Variants in HIBADH observed in about 807,000 individuals in gnomAD.
HIBADH encodes 3-hydroxyisobutyrate dehydrogenase, also known as 3-hydroxyisobutyrate dehydrogenase, mitochondrial.
HIBADH carries 25 observed loss-of-function variants against 36.1 expected under a neutral mutation model. The observed-to-expected ratio is 0.69, with a 90% CI of 0.50 to 0.97. The LOEUF (loss-of-function observed/expected upper bound fraction) is 0.97. Ranked by LOEUF, HIBADH falls within the 50% of genes least tolerant of loss-of-function variation. The pLI is 0.00. For synonymous variants in HIBADH, 160 were observed against 149.5 expected (o/e 1.07, Z -0.51); for missense variants, 421 against 418.0 (o/e 1.01, Z -0.06).
chr7:27,543,676 TG>T (rs1784191982), intron 4 of HIBADH, among the ~76,000 whole-genome samples: 1 of 152,230 alleles, frequency 6.6e-6, no homozygotes, highest in Admixed American at 6.5e-5. Context: ...TTGCTTATTT[TG>T]ACTGATTATT....
chr7:27,580,414 A>G (rs1784770852), intron 4 of HIBADH, among the ~76,000 whole-genome samples: 1 of 152,234 alleles, frequency 6.6e-6, no homozygotes, highest in Admixed American at 6.5e-5. Flanking sequence ...CAACAACAAC[A>G]ACAAAAATCC....
Position 27,561,785 on chromosome 7 carries a change from T to C in HIBADH, c.485-18685A>G, listed in dbSNP as rs186671583. Among the ~76,000 whole-genome samples the C allele has an allele frequency of 3.8e-3, 574 of 152,298 alleles. 3 individuals are homozygous for C. Among genetic ancestry groups the C allele is most frequent in the Non-Finnish European group, 6.4e-3 (435 of 67,986 alleles). On this transcript the variant is annotated intron_variant, in intron 4 of 7. Transcript: ENST00000265395. ...TTGCTTTATACATTTCTGAGGTTAT[T>C]AGGTACAATACATACACGTTTACAT...
intron 1 of HIBADH, among the ~76,000 whole-genome samples, chr7:27,653,986 G>A (rs929755368): frequency 8.6e-5 from 13 of 151,998 alleles, no homozygotes; most frequent in Non-Finnish European, 1.5e-5. Flanking sequence ...TAGAAAACAA[G>A]GACGTTAAAA....
rs1785975235 is a variant in HIBADH, at chr7:27,642,377, A to G, written c.252+7096T>C. Among the ~76,000 whole-genome samples the G allele has an allele frequency of 2.6e-5, 4 of 152,220 alleles. No homozygotes were observed. In the South Asian group the frequency reaches 8.3e-4, roughly 31 times the overall value. ...AGCACTTAATTATAGTAAAATTACA[A>G]TAGAAACTTCCTTGCAGTATTAGTT... On this transcript the variant is annotated intron_variant, in intron 2 of 7. Transcript: ENST00000265395.
chr7:27,607,979 A>G (rs1785259791), intron 4 of HIBADH, among the ~76,000 whole-genome samples: 1 of 152,196 alleles, frequency 6.6e-6, no homozygotes, highest in Non-Finnish European at 1.5e-5. Context: ...ACTCTCACAC[A>G]TAAGAAGCAT....
At position 27,548,753 on chromosome 7, in the gene HIBADH, A is replaced by C. The variant is rs186394533; in HGVS notation, c.485-5653T>G. Among the ~76,000 whole-genome samples the C allele has an allele frequency of 2.0e-5, 3 of 152,326 alleles. No individual in the cohort carries two copies. In the East Asian group the frequency reaches 5.8e-4, roughly 29 times the overall value. ...AAATATAATTAGGGAAAAGAGATGT[A>C]TAACCAGAAGAAAATGCCAAAAGGT... On this transcript the variant is annotated intron_variant, in intron 4 of 7. Transcript: ENST00000265395.
intron 4 of HIBADH, among the ~76,000 whole-genome samples, chr7:27,625,043 C>A (rs1340121788): frequency 1.3e-5 from 2 of 151,998 alleles, no homozygotes; most frequent in African/African-American, 2.4e-5. Context: ...TTATATAGAA[C>A]AATACCACAG....
chr7:27,641,060 G>A (rs1295003048), intron 2 of HIBADH, among the ~76,000 whole-genome samples: 4 of 152,186 alleles, frequency 2.6e-5, no homozygotes, highest in South Asian at 4.2e-4. Context: ...AGGGAGAGAG[G>A]AGCCTGATGG....
intron 4 of HIBADH, among the ~76,000 whole-genome samples, chr7:27,587,099 C>T (rs1390822316): frequency 1.3e-5 from 2 of 152,206 alleles, no homozygotes; most frequent in African/African-American, 4.8e-5. Context: ...CTCAAGTGTG[C>T]CCTATTACTG....
intron 4 of HIBADH, among the ~76,000 whole-genome samples, chr7:27,598,922 T>C (rs1040480034): frequency 2.6e-5 from 4 of 151,958 alleles, no homozygotes; most frequent in Non-Finnish European, 5.9e-5. Flanking sequence ...AAGGACTTCT[T>C]TCCCATACAA....
At chr7:27,533,033 T>A (rs1157913122) in intron 6 of HIBADH, among the ~76,000 whole-genome samples, 1 of 152,196 alleles carries the variant, frequency 6.6e-6, no homozygotes, top group African/African-American at 2.4e-5. Flanking sequence ...TTTTAAAGAC[T>A]CCAAAACGTC....
intron 4 of HIBADH, among the ~76,000 whole-genome samples, chr7:27,546,970 G>A (rs1021024672): frequency 6.6e-6 from 1 of 152,086 alleles, no homozygotes; most frequent in African/African-American, 2.4e-5. Flanking sequence ...GCAGCTAGAG[G>A]AATCCTCTTA....
intron 4 of HIBADH, among the ~76,000 whole-genome samples, chr7:27,579,893 C>T (rs1784764905): frequency 1.3e-5 from 2 of 152,186 alleles, no homozygotes; most frequent in African/African-American, 4.8e-5. Context: ...CTGCAGGATT[C>T]ATGGACTGGT....
chr7:27,607,455 G>A (rs1022314276), intron 4 of HIBADH, among the ~76,000 whole-genome samples: 2 of 152,116 alleles, frequency 1.3e-5, no homozygotes, highest in Non-Finnish European at 2.9e-5. Context: ...GTTGCCGTGA[G>A]CTGAGATCAC....
At chr7:27,537,591 A>C (rs927949755) in intron 6 of HIBADH, among the ~76,000 whole-genome samples, 6 of 152,170 alleles carry the variant, frequency 3.9e-5, no homozygotes, top group African/African-American at 1.4e-4. Context: ...TTTTCATGAA[A>C]TATAAAACAT....
At chr7:27,564,197 C>T (rs1000622698) in intron 4 of HIBADH, among the ~76,000 whole-genome samples, 9 of 152,016 alleles carry the variant, frequency 5.9e-5, no homozygotes, top group Admixed American at 4.6e-4. Flanking sequence ...CGTGCCTGGC[C>T]GTTAATTTTC....
intron 2 of HIBADH, among the ~76,000 whole-genome samples, chr7:27,633,757 G>A (rs1050441982): frequency 5.9e-5 from 9 of 151,840 alleles, no homozygotes; most frequent in Non-Finnish European, 1.2e-4. Flanking sequence ...GACAAAAGAC[G>A]ATCAGGCAGA....
At chr7:27,528,930 G>T (rs1400544946) in intron 7 of HIBADH, among the ~76,000 whole-genome samples, 2 of 152,228 alleles carry the variant, frequency 1.3e-5, no homozygotes, top group Non-Finnish European at 2.9e-5. Context: ...TGCAGCTGGG[G>T]ACTTGAAGTT....
intron 5 of HIBADH, among the ~76,000 whole-genome samples, chr7:27,538,726 T>C (rs1403963361): frequency 3.3e-5 from 5 of 151,944 alleles, no homozygotes; most frequent in African/African-American, 9.7e-5. Flanking sequence ...GAACTTACAA[T>C]CTAATTGGAA....
Sources: allele counts gnomAD v4.1 joint callset (sites outside exome capture counted in the v4.1 genomes callset), GRCh38; gene constraint gnomAD v4.1.1; transcripts MANE v1.5; gene names NCBI Gene and HGNC (gene_info 2026-07-23, HGNC 2026-07-21).